Variants in CHODL observed in about 807,000 individuals in gnomAD.
CHODL encodes the protein chondrolectin.
In CHODL, 29 loss-of-function variants were observed where a neutral mutation model predicts 34.5. The ratio of observed to expected loss-of-function variants is 0.84; its 90% CI spans 0.63 to 1.15. The LOEUF (loss-of-function observed/expected upper bound fraction) is 1.15. Among genes scored for constraint, CHODL ranks in the 50% most tolerant of loss-of-function variants. CHODL has a pLI of 0.00. For missense variants in CHODL, 332 were observed against 332.5 expected (o/e 1.00, Z 0.01); for synonymous variants, 125 against 116.1 (o/e 1.08, Z -0.49).
chr21:17,993,464 G>C (rs1215315960), intron 1 of CHODL, among the ~76,000 whole-genome samples: 1 of 152,172 alleles, frequency 6.6e-6, no homozygotes, highest in Non-Finnish European at 1.5e-5. Context: ...GTGAGGACAT[G>C]TAATATTTGT....
chr21:18,231,358 C>T (rs752875445), intron 2 of CHODL, among the ~76,000 whole-genome samples: 20 of 152,106 alleles, frequency 1.3e-4, no homozygotes, highest in Non-Finnish European at 2.8e-4. Flanking sequence ...AAATTATTTC[C>T]ATGATTGCCA....
At chr21:17,955,620 C>T (rs1388929017) in intron 1 of CHODL, among the ~76,000 whole-genome samples, 2 of 136,656 alleles carry the variant, frequency 1.5e-5, no homozygotes, top group African/African-American at 5.0e-5. Context: ...TTAGAGTTGC[C>T]AAATATACCT....
chr21:17,923,721 A>G (rs1326696293), intron 1 of CHODL, among the ~76,000 whole-genome samples: 2 of 152,082 alleles, frequency 1.3e-5, no homozygotes, highest in Non-Finnish European at 2.9e-5. Flanking sequence ...TCAGCCTCCC[A>G]AAGTACTGGG....
chr21:18,203,411 G>T (rs558719205), intron 2 of CHODL, among the ~76,000 whole-genome samples: 3 of 152,184 alleles, frequency 2.0e-5, no homozygotes, highest in African/African-American at 7.2e-5. Context: ...CATGCAGTTC[G>T]TTCTAAAACT....
At chr21:18,249,374 C>A (rs1038241527) in intron 1 of CHODL, among the ~76,000 whole-genome samples, 1 of 151,136 alleles carries the variant, frequency 6.6e-6, no homozygotes, top group Non-Finnish European at 1.5e-5. Context: ...CAATTTGGAT[C>A]TAGTTTGTTT....
At chr21:17,961,187 C>G (rs904147110) in intron 1 of CHODL, among the ~76,000 whole-genome samples, 6 of 152,152 alleles carry the variant, frequency 3.9e-5, no homozygotes, top group Admixed American at 2.6e-4. Context: ...ACCTCTCTCC[C>G]TATGCGTAAG....
At chr21:17,955,163 C>G (rs970823157) in intron 1 of CHODL, among the ~76,000 whole-genome samples, 4 of 135,808 alleles carry the variant, frequency 2.9e-5, no homozygotes, top group African/African-American at 1.0e-4. Flanking sequence ...TCAATGTTGA[C>G]CAACTGAATA....
At position 18,245,275 on chromosome 21, in the gene CHODL, G is replaced by T. The variant is rs923069446; in HGVS notation, c.52G>T (p.Gly18Ter). The T allele has an allele frequency of 1.3e-6, 2 of 1,521,334 alleles. No individual in the cohort carries two copies. The highest frequency in any genetic ancestry group is 2.4e-5 in the South Asian group (2 of 83,128). 94.2% of individuals were successfully genotyped at this position (1,521,334 alleles called of 1,614,324 possible). The change falls in exon 1 of 6, where the codon GGA (glycine) becomes TGA (stop). Residue 18 changes from glycine to a stop codon, truncating the protein, a stop_gained. Coordinates refer to ENST00000299295, the MANE Select transcript of CHODL (RefSeq NM_024944.3). LOFTEE classifies it high-confidence loss of function. The part of the protein sequence containing the change: ...LLGAALLCGH[G>*]AFCRRVVSGQ... ...GGGCGCCGCGCTGCTCTGCGGCCAC[G>T]GAGCCTTCTGCCGCCGCGTGGTCAG...
chr21:18,110,554 C>A (rs960532217), intron 2 of CHODL, among the ~76,000 whole-genome samples: 1 of 148,718 alleles, frequency 6.7e-6, no homozygotes, highest in Non-Finnish European at 1.5e-5. Flanking sequence ...CCTGCCAACA[C>A]CTACAGCTGA....
intron 1 of CHODL, among the ~76,000 whole-genome samples, chr21:17,933,636 T>A (rs569672477): frequency 6.6e-6 from 1 of 150,890 alleles, no homozygotes; most frequent in Admixed American, 6.6e-5. Flanking sequence ...TATGTCTACT[T>A]CTTTCTACAC....
intron 2 of CHODL, among the ~76,000 whole-genome samples, chr21:18,156,797 C>G (rs2073040058): frequency 6.6e-6 from 1 of 152,152 alleles, no homozygotes; most frequent in African/African-American, 2.4e-5. Context: ...GGACAGTGGG[C>G]ATGGCTCTTC....
chr21:17,985,065 G>A (rs1259063904), intron 1 of CHODL, among the ~76,000 whole-genome samples: 1 of 152,086 alleles, frequency 6.6e-6, no homozygotes, highest in Non-Finnish European at 1.5e-5. Context: ...GTCATTTAAT[G>A]TAGTTCCAAA....
At chr21:18,152,169 G>A (rs763862151) in intron 2 of CHODL, among the ~76,000 whole-genome samples, 6 of 152,176 alleles carry the variant, frequency 3.9e-5, no homozygotes, top group Non-Finnish European at 8.8e-5. Context: ...ATATGCAGAA[G>A]CACAAAGCCA....
At chr21:18,078,736 G>T (rs1170443001) in intron 2 of CHODL, among the ~76,000 whole-genome samples, 1 of 152,040 alleles carries the variant, frequency 6.6e-6, no homozygotes, top group Non-Finnish European at 1.5e-5. Flanking sequence ...TTGCTTAGTG[G>T]TGTTTTGTTG....
At chr21:17,927,041 T>G (rs928983967) in intron 1 of CHODL, among the ~76,000 whole-genome samples, 6 of 151,134 alleles carry the variant, frequency 4.0e-5, no homozygotes, top group Non-Finnish European at 8.8e-5. Context: ...TATATGTATA[T>G]GTATGCATAT....
upstream of CHODL, among the ~76,000 whole-genome samples, chr21:18,240,905 A>G (rs1316445901): frequency 6.6e-6 from 1 of 152,192 alleles, no homozygotes; most frequent in Non-Finnish European, 1.5e-5. Flanking sequence ...TTTTAACTTC[A>G]AGTTATAGAA....
chr21:17,960,218 T>C lies in CHODL; in HGVS notation c.-145+42818T>C, dbSNP rs1437994144. Among the ~76,000 whole-genome samples, 5 of 152,244 alleles carry C rather than the reference T, an allele frequency of 3.3e-5. No individual in the cohort carries two copies. In the East Asian group the frequency reaches 9.7e-4, roughly 29 times the overall value. ...GTATCCAAGCTTATTGGATTGAGAG[T>C]ATTTTCGGCAAGTTGACAGAAACTC... On this transcript the variant is annotated intron_variant, in intron 1 of 6. Transcript: ENST00000400127.
intron 2 of CHODL, among the ~76,000 whole-genome samples, chr21:18,097,878 C>G (rs1366014027): frequency 6.6e-6 from 1 of 151,938 alleles, no homozygotes; most frequent in Non-Finnish European, 1.5e-5. Context: ...ACACATAGAC[C>G]AAAGGACCAG....
At chr21:18,206,870 ATTATTATTAT>A in intron 2 of CHODL, among the ~76,000 whole-genome samples, 1 of 22,684 alleles carries the variant, frequency 4.4e-5, no homozygotes, top group East Asian at 0.019. Flanking sequence ...ACCCATTATT[ATTATTATTAT>A]TATTATTATT....
Sources: gnomAD v4.1 joint callset for allele counts (sites outside exome capture counted in the v4.1 genomes callset) on GRCh38, gnomAD v4.1.1 for gene constraint, MANE v1.5 for transcripts, NCBI Gene and HGNC (gene_info 2026-07-23, HGNC 2026-07-21) for gene names.